The following DISC1 variants were observed in gnomAD, a reference collection of about 807,000 sequenced individuals.
The protein encoded by DISC1 is disrupted in schizophrenia 1 protein.
In DISC1, 57 loss-of-function variants were observed where a neutral mutation model predicts 84.5. The observed-to-expected ratio is 0.67, with a 90% CI of 0.55 to 0.84. The LOEUF is 0.84. DISC1 is among the 40% of genes least tolerant of loss of function. The probability of loss-of-function intolerance (pLI) is 0.00; values close to 1 mark genes in which losing one functional copy is unlikely to be tolerated. For synonymous variants in DISC1, 411 were observed against 415.2 expected (o/e 0.99, Z 0.12); for missense variants, 1,000 against 1,057.8 (o/e 0.95, Z 0.76).
intron 1 of DISC1, among the ~76,000 whole-genome samples, chr1:231,637,054 G>A (rs984851939): frequency 5.9e-5 from 9 of 152,104 alleles, no homozygotes; most frequent in African/African-American, 2.2e-4. Flanking sequence ...AACATGGGGT[G>A]TTTGGTTTTC....
rs58636016 is a variant in DISC1 at position 231,868,692 on chromosome 1, T to TTATATATATATATA, written c.1981+50205_1981+50218dup. Reference sequence around the variant, plus strand: ...GGGCAACATAGCAAGACCCCATCTCTTATATATATATATATATATATATAT... The same window carrying TTATATATATATATA: ...GGGCAACATAGCAAGACCCCATCTCTTATATATATATATATATATATATATATATATATATATAT... On this transcript the variant is annotated intron_variant, in intron 9 of 12. Coordinates refer to ENST00000439617, the MANE Select transcript of DISC1 (RefSeq NM_018662.3). 1.4e-3 allele frequency among the ~76,000 whole-genome samples: 148 copies of TTATATATATATATA among 108,806 alleles called. 2 individuals are homozygous for TTATATATATATATA. Among genetic ancestry groups the TTATATATATATATA allele is most frequent in the Middle Eastern group, 0.01 (2 of 200 alleles). 71.4% of individuals were successfully genotyped at this position (108,806 alleles called of 152,430 possible). A position where few individuals can be genotyped will look rare whatever the true frequency, so the allele number is the denominator to read the frequency against.
rs1246184139 is a variant in DISC1 at position 231,886,772 on chromosome 1, T to C, written c.1981+68255T>C. On this transcript the variant is annotated intron_variant, in intron 9 of 12. Coordinates refer to ENST00000439617, the MANE Select transcript of DISC1 (RefSeq NM_018662.3). ...CTTCCTTTCTTCCTTCCTTCCTTTC[T>C]TTCTTTCTTTCTTTCTTTCTTTCTT... is the stretch of plus-strand genomic sequence containing the variant. 1.1e-4 allele frequency among the ~76,000 whole-genome samples: 6 copies of C among 52,720 alleles called. 1 individual carries two copies. In the East Asian group the frequency reaches 1.8e-3, roughly 16 times the overall value. The allele number at this position is 52,720 out of a possible 152,430, so 34.6% of individuals were successfully genotyped here. A position where few individuals can be genotyped will look rare whatever the true frequency, so the allele number is the denominator to read the frequency against.
intron 9 of DISC1, among the ~76,000 whole-genome samples, chr1:231,955,084 C>A (rs1162006743): frequency 2.6e-5 from 4 of 152,168 alleles, no homozygotes; most frequent in South Asian, 2.1e-4. Context: ...CATCTAGATT[C>A]TTTTTAAACA....
chr1:231,780,698 G>A (rs987161905), intron 6 of DISC1, among the ~76,000 whole-genome samples: 5 of 99,090 alleles, frequency 5.0e-5, no homozygotes, highest in African/African-American at 7.9e-5. Flanking sequence ...CTGCTATAAA[G>A]ACACATGCAC....
At chr1:231,714,766 A>C (rs1024228377) in intron 3 of DISC1, among the ~76,000 whole-genome samples, 1 of 151,940 alleles carries the variant, frequency 6.6e-6, no homozygotes, top group Non-Finnish European at 1.5e-5. Flanking sequence ...GAGATGGAGG[A>C]GTCTCTTTCA....
At chr1:231,706,922 T>A (rs1034869794) in intron 3 of DISC1, among the ~76,000 whole-genome samples, 2 of 152,188 alleles carry the variant, frequency 1.3e-5, no homozygotes, top group East Asian at 3.8e-4. Flanking sequence ...ACAGGGAACC[T>A]GCCTTACACC....
chr1:231,759,741 G>A (rs1343311158), intron 4 of DISC1, among the ~76,000 whole-genome samples: 1 of 151,942 alleles, frequency 6.6e-6, no homozygotes, highest in Non-Finnish European at 1.5e-5. Context: ...AACAAACCAG[G>A]ATATATTTCT....
chr1:231,673,485 AT>A (rs903668327), intron 1 of DISC1, among the ~76,000 whole-genome samples: 8 of 151,994 alleles, frequency 5.3e-5, no homozygotes, highest in African/African-American at 1.9e-4. Flanking sequence ...GCGCCACCAC[AT>A]CTGGCTTTCT....
intron 10 of DISC1, among the ~76,000 whole-genome samples, chr1:231,993,679 C>T (rs562755348): frequency 2.0e-5 from 3 of 152,108 alleles, no homozygotes; most frequent in Admixed American, 1.3e-4. Flanking sequence ...GGAGTTGGCA[C>T]GAGACAGGAT....
intron 9 of DISC1, among the ~76,000 whole-genome samples, chr1:231,834,087 A>C (rs1361452412): frequency 1.3e-5 from 2 of 152,204 alleles, no homozygotes; most frequent in East Asian, 3.8e-4. Flanking sequence ...TTTGGGATAA[A>C]GAAAAAGGAG....
At chr1:231,995,432 T>C (rs1665799735) in intron 10 of DISC1, among the ~76,000 whole-genome samples, 1 of 152,048 alleles carries the variant, frequency 6.6e-6, no homozygotes, top group African/African-American at 2.4e-5. Flanking sequence ...GCTGGTGTGC[T>C]GCACCCATTA....
intron 9 of DISC1, among the ~76,000 whole-genome samples, chr1:231,891,017 C>A (rs1039044335): frequency 1.3e-5 from 2 of 152,144 alleles, no homozygotes; most frequent in African/African-American, 2.4e-5. Flanking sequence ...CCTTAGGAAA[C>A]TGAGGGATAG....
rs138568482 is a variant in DISC1, at chr1:231,987,069, C to T, written c.2043-21716C>T. On this transcript the variant is annotated intron_variant, in intron 10 of 12. Transcript: ENST00000439617. ...TCATGAGAAAGGGCGGTTGTGCAAT[C>T]GTTCTCCCTACGTCAACTCTGAGAA... Among the ~76,000 whole-genome samples, 13 of 152,292 alleles carry T rather than the reference C, an allele frequency of 8.5e-5. No individual in the cohort carries two copies. In the East Asian group the frequency reaches 2.5e-3, roughly 29 times the overall value.
intron 1 of DISC1, chr1:231,670,486 C>T (rs1227428035): frequency 6.6e-6 from 1 of 152,204 alleles, no homozygotes; most frequent in African/African-American, 2.4e-5. Flanking sequence ...TTAAGGTGTT[C>T]CACCTCTAAA....
At chr1:231,992,438 AT>A (rs377421526) in intron 10 of DISC1, among the ~76,000 whole-genome samples, 10 of 151,946 alleles carry the variant, frequency 6.6e-5, no homozygotes, top group African/African-American at 1.9e-4. Context: ...TGTTAGAAAT[AT>A]TTTTTTCTAA....
intron 3 of DISC1, chr1:231,722,456 A>C: frequency 6.3e-7 from 1 of 1,598,868 alleles, no homozygotes; most frequent in Non-Finnish European, 8.5e-7. Flanking sequence ...TAAACATCAC[A>C]GTGCTTCAAA....
At chr1:231,971,893 T>C (rs1325928625) in intron 10 of DISC1, among the ~76,000 whole-genome samples, 1 of 152,162 alleles carries the variant, frequency 6.6e-6, no homozygotes, top group Non-Finnish European at 1.5e-5. Flanking sequence ...GTAGAAATCA[T>C]ACAATGATTT....
At chr1:231,984,059 A>G (rs973991984) in intron 10 of DISC1, among the ~76,000 whole-genome samples, 1 of 152,222 alleles carries the variant, frequency 6.6e-6, no homozygotes, top group Non-Finnish European at 1.5e-5. Context: ...AAACATGAGC[A>G]GTCAGTCTAA....
intron 4 of DISC1, among the ~76,000 whole-genome samples, chr1:231,760,063 G>A (rs747698298): frequency 6.6e-6 from 1 of 152,192 alleles, no homozygotes; most frequent in East Asian, 1.9e-4. Context: ...ATATTCATGT[G>A]CCTCTCTTGC....
Sources: allele counts gnomAD v4.1 joint callset (sites outside exome capture counted in the v4.1 genomes callset), GRCh38; gene constraint gnomAD v4.1.1; transcripts MANE v1.5; gene names NCBI Gene and HGNC (gene_info 2026-07-23, HGNC 2026-07-21).